Variants in LAMA2 observed in about 807,000 individuals in gnomAD.
LAMA2 encodes laminin subunit alpha-2.
In LAMA2, 269 loss-of-function variants were observed where a neutral mutation model predicts 364.8. The ratio of observed to expected loss-of-function variants is 0.74; its 90% CI spans 0.67 to 0.82. The LOEUF is 0.82. LAMA2 is among the 40% of genes least tolerant of loss of function. The pLI, the probability that LAMA2 is intolerant of heterozygous loss-of-function variation, is 0.00. For missense variants in LAMA2, 3,807 were observed against 3,873.2 expected (o/e 0.98, Z 0.45); for synonymous variants, 1,379 against 1,370.6 (o/e 1.01, Z -0.14).
In LAMA2 at chr6:129,045,433, C is replaced by A. The variant is rs1787412211; in HGVS notation, c.113-4485C>A. Among the ~76,000 whole-genome samples the A allele has an allele frequency of 3.3e-5, 5 of 152,256 alleles. No individual in the cohort carries two copies. The South Asian group carries it at 1.0e-3, about 32-fold the overall frequency. On this transcript the variant is annotated intron_variant, in intron 1 of 64. Transcript: ENST00000421865. ...AGGCCCTGACAAGAAGTCTTGTAAG[C>A]TTTTTAAAGAGCTCACTTCAAATCA...
intron 17 of LAMA2, 32 bp downstream of exon 17, chr6:129,270,783 C>T: frequency 6.2e-7 from 1 of 1,608,914 alleles, no homozygotes; most frequent in Non-Finnish European, 8.5e-7. Flanking sequence ...TGAATAAGCT[C>T]AGCATCCATT....
At chr6:129,198,214 G>A (rs1038459561) in intron 12 of LAMA2, among the ~76,000 whole-genome samples, 12 of 151,532 alleles carry the variant, frequency 7.9e-5, no homozygotes, top group East Asian at 3.9e-4. Flanking sequence ...TGCACAAAAC[G>A]CATGTCACCT....
chr6:129,206,484 C>G (rs1227544504), intron 12 of LAMA2, among the ~76,000 whole-genome samples: 3 of 152,190 alleles, frequency 2.0e-5, no homozygotes, highest in Non-Finnish European at 4.4e-5. Flanking sequence ...AATATGATCA[C>G]TTAATAAGCA....
At chr6:129,373,267 A>G (rs1778189516) in intron 34 of LAMA2, among the ~76,000 whole-genome samples, 1 of 152,110 alleles carries the variant, frequency 6.6e-6, no homozygotes. Flanking sequence ...ACAGTTTTGC[A>G]TTTTACACTT....
At chr6:129,167,202 G>T (rs150326633) in intron 9 of LAMA2, among the ~76,000 whole-genome samples, 3 of 151,362 alleles carry the variant, frequency 2.0e-5, no homozygotes, top group Non-Finnish European at 4.4e-5. Context: ...GGGTACATGT[G>T]CACAATGTGC....
chr6:128,904,223 C>T lies in LAMA2; in HGVS notation c.112+20866C>T, dbSNP rs185758612. ...CACCTCAAAAGACAGCTTTCTGACTCGTCATTATACCACCTACAGTCTTAC... is the reference window on the plus strand; with the variant it reads ...CACCTCAAAAGACAGCTTTCTGACTTGTCATTATACCACCTACAGTCTTAC... On this transcript the variant is annotated intron_variant, in intron 1 of 64. Transcript: ENST00000421865. Among the ~76,000 whole-genome samples the T allele has an allele frequency of 2.6e-5, 4 of 152,202 alleles. No individual in the cohort carries two copies. The East Asian group carries it at 5.8e-4, about 22-fold the overall frequency.
chr6:129,229,434 A>T (rs1026053369), intron 12 of LAMA2, among the ~76,000 whole-genome samples: 6 of 152,150 alleles, frequency 3.9e-5, no homozygotes, highest in African/African-American at 1.4e-4. Context: ...AGTGGGGAAG[A>T]GTTGAAGGAT....
chr6:129,453,704 A>G (rs1003822531), intron 46 of LAMA2, among the ~76,000 whole-genome samples: 1 of 152,128 alleles, frequency 6.6e-6, no homozygotes, highest in African/African-American at 2.4e-5. Context: ...TTCTTAACAA[A>G]TCATTCATGG....
chr6:129,310,338 C>G (rs1032676812), intron 22 of LAMA2, among the ~76,000 whole-genome samples: 1 of 152,182 alleles, frequency 6.6e-6, no homozygotes, highest in Non-Finnish European at 1.5e-5. Flanking sequence ...AAACATAATA[C>G]TCCTGGTAAT....
chr6:129,139,524 C>G (rs1449225724), intron 4 of LAMA2, among the ~76,000 whole-genome samples: 1 of 152,080 alleles, frequency 6.6e-6, no homozygotes. Flanking sequence ...TATGCACATA[C>G]TATGCCATTT....
At chr6:129,160,856 G>T (rs191581317) in intron 8 of LAMA2, among the ~76,000 whole-genome samples, 309 of 151,566 alleles carry the variant, frequency 2.0e-3, no homozygotes, top group South Asian at 4.4e-3. Flanking sequence ...TTATATTTTT[G>T]ATTTCTACAC....
chr6:128,994,141 T>C (rs1783777155), intron 1 of LAMA2, among the ~76,000 whole-genome samples: 1 of 152,222 alleles, frequency 6.6e-6, no homozygotes, highest in South Asian at 2.1e-4. Context: ...GGATTAGGAA[T>C]CTTTGCGGAA....
intron 9 of LAMA2, among the ~76,000 whole-genome samples, chr6:129,169,600 C>T (rs1179775411): frequency 6.6e-6 from 1 of 151,046 alleles, no homozygotes; most frequent in Non-Finnish European, 1.5e-5. Context: ...CAATGTTCAT[C>T]AAGGATATTG....
At chr6:129,324,271 C>T (rs1775139947) in intron 28 of LAMA2, among the ~76,000 whole-genome samples, 1 of 152,162 alleles carries the variant, frequency 6.6e-6, no homozygotes. Flanking sequence ...AATTATTAAA[C>T]ATGCTTTATC....
intron 1 of LAMA2, among the ~76,000 whole-genome samples, chr6:129,039,114 G>A (rs1460329509): frequency 6.6e-6 from 1 of 152,042 alleles, no homozygotes; most frequent in African/African-American, 2.4e-5. Flanking sequence ...AGACTTGAGA[G>A]CCACCGTAAA....
chr6:128,883,234 G>T lies in LAMA2; in HGVS notation c.-12G>T. On this transcript the variant is annotated 5_prime_UTR_variant, in exon 1 of 65. Coordinates refer to ENST00000421865, the MANE Select transcript of LAMA2 (RefSeq NM_000426.4). ...TGGCTCCCGAGAAGTGGATCCGGTC[G>T]CGGCCACTACGATGCCGGGAGCCGC... 6.5e-7 allele frequency: 1 copy of T among 1,548,830 alleles called. No homozygotes were observed. The highest frequency in any genetic ancestry group is 1.2e-5 in the South Asian group (1 of 84,102).
intron 1 of LAMA2, among the ~76,000 whole-genome samples, chr6:128,998,542 C>T (rs1171626730): frequency 9.8e-6 from 1 of 101,980 alleles, no homozygotes; most frequent in East Asian, 2.1e-4. Flanking sequence ...TGTGTGTGCG[C>T]ACCGTGCGCG....
intron 4 of LAMA2, among the ~76,000 whole-genome samples, chr6:129,104,627 T>G (rs537418439): frequency 1.2e-4 from 19 of 152,338 alleles, no homozygotes; most frequent in African/African-American, 4.6e-4. Flanking sequence ...TACTGCCCTA[T>G]GTTCATATCA....
intron 23 of LAMA2, among the ~76,000 whole-genome samples, chr6:129,313,867 C>G (rs968749259): frequency 6.6e-6 from 1 of 152,142 alleles, no homozygotes; most frequent in Non-Finnish European, 1.5e-5. Flanking sequence ...TCGGCCAATA[C>G]CGAGTACAAT....
Sources: allele counts gnomAD v4.1 joint callset (sites outside exome capture counted in the v4.1 genomes callset), GRCh38; gene constraint gnomAD v4.1.1; transcripts MANE v1.5; gene names NCBI Gene and HGNC (gene_info 2026-07-23, HGNC 2026-07-21).